Variants in CCNJL observed in about 807,000 individuals in gnomAD.
The protein encoded by CCNJL is cyclin J like, also known as cyclin-J-like protein.
A neutral mutation model predicts 33.4 loss-of-function variants in CCNJL; 33 were observed. That is an observed-to-expected ratio of 0.99 (90% CI 0.75 to 1.32). CCNJL has a LOEUF of 1.32. CCNJL is among the 40% of genes most tolerant of loss of function. CCNJL has a pLI of 0.00. For missense variants in CCNJL, 512 were observed against 499.7 expected, an observed-to-expected ratio of 1.02 and a Z score of -0.23; for synonymous variants, 227 against 220.9, an observed-to-expected ratio of 1.03 and a Z score of -0.24.
intron 1 of CCNJL, among the ~76,000 whole-genome samples, chr5:160,339,051 T>A (rs369497149): frequency 6.6e-6 from 1 of 152,108 alleles, no homozygotes; most frequent in Non-Finnish European, 1.5e-5. Flanking sequence ...ACTCCCAAAG[T>A]GCTGGGATTC....
At chr5:160,270,679 A>G (rs1761800873) in intron 3 of CCNJL, among the ~76,000 whole-genome samples, 1 of 152,220 alleles carries the variant, frequency 6.6e-6, no homozygotes, top group Admixed American at 6.5e-5. Context: ...ATTATAGAAA[A>G]GAGAAATGTA....
chr5:160,335,951 T>C (rs748071440), intron 1 of CCNJL, among the ~76,000 whole-genome samples: 6 of 152,170 alleles, frequency 3.9e-5, no homozygotes, highest in Admixed American at 6.5e-5. Context: ...TCTAGCTCTG[T>C]AGCAACCACT....
chr5:160,256,133 C>G (rs1761054300), intron 4 of CCNJL, among the ~76,000 whole-genome samples: 1 of 152,176 alleles, frequency 6.6e-6, no homozygotes, highest in Non-Finnish European at 1.5e-5. Flanking sequence ...AAGCAATCCT[C>G]CTGCCTCAGC....
chr5:160,275,167 C>A (rs553063791), intron 3 of CCNJL, among the ~76,000 whole-genome samples: 1 of 151,712 alleles, frequency 6.6e-6, no homozygotes, highest in African/African-American at 2.4e-5. Context: ...TCACTGCAAC[C>A]TCCGCCTCCC....
intron 2 of CCNJL, among the ~76,000 whole-genome samples, chr5:160,291,869 C>T (rs1428955625): frequency 6.6e-6 from 1 of 152,040 alleles, no homozygotes; most frequent in Non-Finnish European, 1.5e-5. Flanking sequence ...GTCCAGGTGC[C>T]CATCTCTTAT....
rs1392872268 is a variant in CCNJL at position 160,289,428 on chromosome 5, C to T, written c.67-8690G>A. Among the ~76,000 whole-genome samples the T allele has an allele frequency of 2.0e-5, 3 of 151,938 alleles. No individual in the cohort carries two copies. In the East Asian group the frequency reaches 5.8e-4, roughly 30 times the overall value. On this transcript the variant is annotated intron_variant, in intron 2 of 5. Coordinates refer to ENST00000257536, the MANE Select transcript of CCNJL (RefSeq NM_001308173.3). The stretch of plus-strand genomic sequence containing the variant: ...TCTATGCCCTCCCTTCCTCTCGGGA[C>T]TCCCTTATCTACCCTGGCTTCCTTC...
chr5:160,256,967 C>T (rs1045688100), intron 4 of CCNJL, among the ~76,000 whole-genome samples: 23 of 151,766 alleles, frequency 1.5e-4, no homozygotes, highest in Admixed American at 1.3e-4. Context: ...CCACTTTTGC[C>T]TTTTAAAGAT....
At chr5:160,322,546 A>G (rs1763484136) in intron 1 of CCNJL, among the ~76,000 whole-genome samples, 2 of 152,342 alleles carry the variant, frequency 1.3e-5, no homozygotes, top group South Asian at 2.1e-4. Context: ...GTATGCATAC[A>G]TAGTTTCCTA....
At chr5:160,326,738 C>T in intron 1 of CCNJL, 1 of 905,192 alleles carries the variant, frequency 1.1e-6, no homozygotes. Context: ...GGTTATGGTG[C>T]AGCCCATCAA....
At chr5:160,297,927 C>T (rs966459993) in intron 2 of CCNJL, among the ~76,000 whole-genome samples, 17 of 152,146 alleles carry the variant, frequency 1.1e-4, no homozygotes, top group Non-Finnish European at 2.2e-4. Flanking sequence ...CACCAACCCC[C>T]GCCTTCTCAC....
Position 160,280,577 on chromosome 5 carries a change from G to A in CCNJL, c.228C>T (p.Val76=), listed in dbSNP as rs765870739. The A allele has an allele frequency of 6.2e-6, 10 of 1,612,826 alleles. No homozygotes were observed. The highest frequency in any genetic ancestry group is 1.1e-5 in the South Asian group (1 of 91,036). ...LLDHFMDRYN[V]TTSKQLYTVA... is the part of the protein sequence containing the mutation. ...CGGTGTAGAGCTGCTTGGAGGTGGT[G>A]ACGTTGTAGCGATCCATGAAGTGGT... Residue 76 remains valine (V), a synonymous_variant, in exon 3 of 6, where the codon GTC becomes GTT. Coordinates refer to ENST00000257536, the MANE Select transcript of CCNJL (RefSeq NM_001308173.3).
chr5:160,339,418 A>G, intron 1 of CCNJL: 1 of 422,760 alleles, frequency 2.4e-6, no homozygotes, highest in Non-Finnish European at 4.8e-6. Flanking sequence ...CACGTTCTTC[A>G]ATTTAAATAC....
chr5:160,281,138 G>A (rs964613425), intron 2 of CCNJL, among the ~76,000 whole-genome samples: 1 of 152,234 alleles, frequency 6.6e-6, no homozygotes, highest in African/African-American at 2.4e-5. Flanking sequence ...CAAGTTGTGT[G>A]ACCCTGGTCA....
chr5:160,328,424 G>T lies in CCNJL; in HGVS notation n.206+11021C>A, dbSNP rs770128509. The stretch of plus-strand genomic sequence containing the variant: ...GCTTGGACTGGTGTTGGAATAACGC[G>T]GATGAAGAGAAATAGATGATTTGGG... On this transcript the variant is annotated intron_variant and non_coding_transcript_variant, in intron 1 of 7. Coordinates refer to the CCNJL transcript ENST00000377503. Among the ~76,000 whole-genome samples the T allele has an allele frequency of 2.0e-5, 3 of 152,166 alleles. No individual in the cohort carries two copies. In the South Asian group the frequency reaches 6.2e-4, roughly 32 times the overall value.
At chr5:160,329,402 G>A (rs1763579294) in intron 1 of CCNJL, among the ~76,000 whole-genome samples, 1 of 149,810 alleles carries the variant, frequency 6.7e-6, no homozygotes, top group African/African-American at 2.5e-5. Context: ...CCAAGCTGGA[G>A]TGCAGCGGCA....
intron 3 of CCNJL, among the ~76,000 whole-genome samples, chr5:160,271,555 C>G (rs970080626): frequency 2.4e-4 from 37 of 152,162 alleles, no homozygotes; most frequent in African/African-American, 8.4e-4. Flanking sequence ...GAGATGGGAA[C>G]AGGAAATGGA....
intron 3 of CCNJL, chr5:160,276,540 A>C (rs1762020376): frequency 6.6e-6 from 1 of 152,266 alleles, no homozygotes; most frequent in Admixed American, 6.5e-5. Context: ...ATATTGTATA[A>C]TCCCCTTTAT....
At chr5:160,299,733 G>A (rs1359920608) in intron 2 of CCNJL, among the ~76,000 whole-genome samples, 1 of 151,700 alleles carries the variant, frequency 6.6e-6, no homozygotes, top group Non-Finnish European at 1.5e-5. Context: ...TCATTCTACT[G>A]TTCTTTCCAC....
chr5:160,291,754 G>A (rs575408488), intron 2 of CCNJL, among the ~76,000 whole-genome samples: 37 of 152,326 alleles, frequency 2.4e-4, no homozygotes, highest in African/African-American at 6.7e-4. Context: ...TAGTAAGAAC[G>A]TCCACATGGC....
Sources: gnomAD v4.1 joint callset for allele counts (sites outside exome capture counted in the v4.1 genomes callset) on GRCh38, gnomAD v4.1.1 for gene constraint, MANE v1.5 for transcripts, NCBI Gene and HGNC (gene_info 2026-07-23, HGNC 2026-07-21) for gene names.